TMEFF1: variants seen among roughly 807,000 people sequenced by gnomAD.
TMEFF1 encodes tomoregulin-1.
In TMEFF1, 20 loss-of-function variants were observed where a neutral mutation model predicts 47.5. The observed-to-expected ratio is 0.42, with a 90% CI of 0.30 to 0.61. TMEFF1 has a LOEUF of 0.61. Ranked by LOEUF, TMEFF1 falls within the 20% of genes least tolerant of loss-of-function variation. The probability of loss-of-function intolerance (pLI) is 0.19; values close to 1 mark genes in which losing one functional copy is unlikely to be tolerated. For missense variants in TMEFF1, 411 were observed against 471.1 expected (o/e 0.87, Z 1.18); for synonymous variants, 162 against 166.3 (o/e 0.97, Z 0.20).
At chr9:100,566,617 C>G (rs1411406429) in intron 8 of TMEFF1, among the ~76,000 whole-genome samples, 1 of 152,182 alleles carries the variant, frequency 6.6e-6, no homozygotes, top group Non-Finnish European at 1.5e-5. Flanking sequence ...CAATGTTTTC[C>G]TGGGATTTTT....
intron 1 of TMEFF1, among the ~76,000 whole-genome samples, chr9:100,482,541 T>G (rs1837362555): frequency 1.3e-5 from 2 of 152,200 alleles, no homozygotes; most frequent in Admixed American, 1.3e-4. Flanking sequence ...ATTGGGCTTT[T>G]ATTTCCACAT....
intron 2 of TMEFF1, among the ~76,000 whole-genome samples, chr9:100,504,641 T>TA (rs1227445402): frequency 6.6e-6 from 1 of 152,206 alleles, no homozygotes; most frequent in East Asian, 1.9e-4. Flanking sequence ...CTTTGTTAGG[T>TA]AGGTAGTATT....
intron 1 of TMEFF1, among the ~76,000 whole-genome samples, chr9:100,493,652 A>G (rs1016493058): frequency 7.9e-5 from 12 of 152,174 alleles, no homozygotes; most frequent in African/African-American, 2.4e-4. Context: ...AAACATTTCT[A>G]TTTGGAGAAT....
chr9:100,518,373 TTTTGTGTGTCTATTTATC>T, intron 5 of TMEFF1: 1 of 942,246 alleles, frequency 1.1e-6, no homozygotes, highest in Non-Finnish European at 1.3e-6. Context: ...TAAATTAATT[TTTTGTGTGTCTATTTATC>T]TGAGAGCTTG....
chr9:100,514,925 A>T (rs935105249), intron 4 of TMEFF1, among the ~76,000 whole-genome samples: 1 of 151,818 alleles, frequency 6.6e-6, no homozygotes, highest in Non-Finnish European at 1.5e-5. Context: ...AACCCAGGAG[A>T]CAGAGGTTGC....
intron 5 of TMEFF1, among the ~76,000 whole-genome samples, chr9:100,541,347 C>CGTT (rs748303966): frequency 1.5e-5 from 2 of 131,438 alleles, no homozygotes; most frequent in African/African-American, 5.6e-5. Context: ...TTGGCAATTT[C>CGTT]ATTTTTTTTT....
At chr9:100,525,568 C>T (rs149680215) in intron 5 of TMEFF1, among the ~76,000 whole-genome samples, 1,579 of 151,560 alleles carry the variant, frequency 0.01, 65 homozygotes, top group Admixed American at 0.066. Flanking sequence ...CCGAACCCCC[C>T]GTATTCTGAG....
chr9:100,564,819 G>A (rs1432511309), intron 8 of TMEFF1, among the ~76,000 whole-genome samples: 1 of 152,228 alleles, frequency 6.6e-6, no homozygotes, highest in East Asian at 1.9e-4. Flanking sequence ...CCTGAATTAA[G>A]TATAAAGGAG....
intron 2 of TMEFF1, among the ~76,000 whole-genome samples, chr9:100,504,646 A>G (rs560949569): frequency 3.9e-5 from 6 of 152,352 alleles, no homozygotes; most frequent in African/African-American, 1.4e-4. Context: ...TTAGGTAGGT[A>G]GTATTATAAT....
At chr9:100,530,674 C>A (rs887164535) in intron 5 of TMEFF1, among the ~76,000 whole-genome samples, 1 of 152,134 alleles carries the variant, frequency 6.6e-6, no homozygotes, top group African/African-American at 2.4e-5. Context: ...GGAACTGGTA[C>A]CATTCCTTCT....
chr9:100,482,054 C>A lies in TMEFF1; in HGVS notation c.196+8314C>A, dbSNP rs548557454. Reference sequence around the variant, plus strand: ...CCTCCCAAAGTGCTGGAATTACAGGCGTGAGCCACTGCGCCCAGCCTAGCC... The same window carrying A: ...CCTCCCAAAGTGCTGGAATTACAGGAGTGAGCCACTGCGCCCAGCCTAGCC... On this transcript the variant is annotated intron_variant, in intron 1 of 9. Transcript: ENST00000374879. Among the ~76,000 whole-genome samples the A allele has an allele frequency of 1.3e-5, 2 of 151,984 alleles. 1 individual carries two copies. Among genetic ancestry groups the A allele is most frequent in the South Asian group, 4.1e-4 (2 of 4,820 alleles).
chr9:100,519,992 T>C (rs963090844), intron 5 of TMEFF1, among the ~76,000 whole-genome samples: 1 of 152,192 alleles, frequency 6.6e-6, no homozygotes, highest in African/African-American at 2.4e-5. Context: ...TACTCTAATA[T>C]TTTCTATCCT....
chr9:100,570,319 T>C (rs1262067406), intron 8 of TMEFF1, among the ~76,000 whole-genome samples: 1 of 152,198 alleles, frequency 6.6e-6, no homozygotes, highest in Non-Finnish European at 1.5e-5. Context: ...CTGGATCATA[T>C]GGTAGTTTTA....
At chr9:100,493,225 T>C (rs1056972390) in intron 1 of TMEFF1, among the ~76,000 whole-genome samples, 1 of 152,146 alleles carries the variant, frequency 6.6e-6, no homozygotes, top group Admixed American at 6.5e-5. Context: ...CAACAAAGAA[T>C]TATCTGGTTC....
chr9:100,538,203 C>G (rs1371282746), intron 5 of TMEFF1, among the ~76,000 whole-genome samples: 1 of 152,102 alleles, frequency 6.6e-6, no homozygotes, highest in East Asian at 1.9e-4. Context: ...CAGGTGCCTG[C>G]CACCACGCCC....
At chr9:100,541,978 A>G (rs1409475632) in intron 5 of TMEFF1, among the ~76,000 whole-genome samples, 1 of 152,024 alleles carries the variant, frequency 6.6e-6, no homozygotes, top group Non-Finnish European at 1.5e-5. Context: ...TGGCTTTTGT[A>G]TTTTTATCCA....
intron 5 of TMEFF1, among the ~76,000 whole-genome samples, chr9:100,539,622 C>T (rs1040974982): frequency 3.9e-5 from 6 of 152,108 alleles, no homozygotes; most frequent in South Asian, 2.1e-4. Context: ...CAGACCTTCG[C>T]GGTGAGTGTT....
intron 2 of TMEFF1, among the ~76,000 whole-genome samples, chr9:100,504,321 C>G (rs1456742654): frequency 6.6e-6 from 1 of 152,180 alleles, no homozygotes. Context: ...AACAGCAGGT[C>G]TACTTCTCCC....
At chr9:100,526,700 T>G (rs1838258940) in intron 5 of TMEFF1, among the ~76,000 whole-genome samples, 1 of 152,138 alleles carries the variant, frequency 6.6e-6, no homozygotes, top group Non-Finnish European at 1.5e-5. Flanking sequence ...TTTTCTTTTA[T>G]TCATTTGTAG....
Sources: gnomAD v4.1 joint callset for allele counts (sites outside exome capture counted in the v4.1 genomes callset) on GRCh38, gnomAD v4.1.1 for gene constraint, MANE v1.5 for transcripts, NCBI Gene and HGNC (gene_info 2026-07-23, HGNC 2026-07-21) for gene names.